DOK6: variants seen among roughly 807,000 people sequenced by gnomAD.
The protein encoded by DOK6 is downstream of tyrosine kinase 6.
DOK6 carries 22 observed loss-of-function variants against 44.0 expected under a neutral mutation model. That is an observed-to-expected ratio of 0.50 (90% confidence interval 0.36 to 0.71). DOK6 has a LOEUF of 0.71. Ranked by LOEUF, DOK6 falls within the 30% of genes least tolerant of loss-of-function variation. The pLI, the probability that DOK6 is intolerant of heterozygous loss-of-function variation, is 0.00. For missense variants in DOK6, 340 were observed against 416.4 expected (o/e 0.82, Z 1.60); for synonymous variants, 166 against 145.5 (o/e 1.14, Z -1.01).
At position 69,450,858 on chromosome 18, in the gene DOK6, G is replaced by T. The variant is rs1371302405; in HGVS notation, c.66+49548G>T. On this transcript the variant is annotated intron_variant, in intron 1 of 7. Coordinates refer to ENST00000382713, the MANE Select transcript of DOK6 (RefSeq NM_152721.6). ...TAAAATACTTTACAGACAAGCAAAT[G>T]CTGAGAGATTTTGTCACCACCAGGC... is the stretch of plus-strand genomic sequence containing the variant. 1.9e-4 allele frequency among the ~76,000 whole-genome samples: 28 copies of T among 148,444 alleles called. No homozygotes were observed. The South Asian group carries it at 6.3e-3, about 34-fold the overall frequency.
intron 1 of DOK6, among the ~76,000 whole-genome samples, chr18:69,562,192 C>A (rs191046724): frequency 3.9e-5 from 6 of 152,170 alleles, no homozygotes; most frequent in African/African-American, 1.2e-4. Flanking sequence ...AGATAATGAA[C>A]AATTTACAGG....
intron 1 of DOK6, among the ~76,000 whole-genome samples, chr18:69,553,465 G>T (rs1370733144): frequency 6.6e-6 from 1 of 152,174 alleles, no homozygotes; most frequent in Non-Finnish European, 1.5e-5. Flanking sequence ...AGAGAGATGG[G>T]CTGAAAACAG....
intron 2 of DOK6, among the ~76,000 whole-genome samples, chr18:69,594,057 G>A (rs897952467): frequency 5.9e-5 from 9 of 152,048 alleles, no homozygotes; most frequent in African/African-American, 2.2e-4. Flanking sequence ...AAATTACAAA[G>A]TTAAGCTTTA....
intron 4 of DOK6, among the ~76,000 whole-genome samples, chr18:69,693,989 G>A (rs375147082): frequency 6.4e-4 from 95 of 148,380 alleles, no homozygotes; most frequent in African/African-American, 2.3e-3. Flanking sequence ...AACCCGGGAG[G>A]CGGAGCTTGC....
At chr18:69,507,237 C>A (rs966442845) in intron 1 of DOK6, among the ~76,000 whole-genome samples, 2 of 151,960 alleles carry the variant, frequency 1.3e-5, no homozygotes, top group Non-Finnish European at 2.9e-5. Context: ...CCGTGTTAGC[C>A]AGAATGGTCT....
intron 1 of DOK6, among the ~76,000 whole-genome samples, chr18:69,428,752 C>A (rs1453555192): frequency 7.2e-5 from 11 of 152,122 alleles, no homozygotes; most frequent in Admixed American, 5.9e-4. Context: ...CTCTATTCTC[C>A]TTTTATAAAC....
intron 2 of DOK6, among the ~76,000 whole-genome samples, chr18:69,569,675 T>A (rs185674977): frequency 8.4e-4 from 128 of 152,280 alleles, no homozygotes; most frequent in Middle Eastern, 3.4e-3. Context: ...CTTTTAATTT[T>A]AAAAAAAGTA....
chr18:69,422,268 C>T (rs1282173242), intron 1 of DOK6, among the ~76,000 whole-genome samples: 2 of 152,184 alleles, frequency 1.3e-5, no homozygotes, highest in Admixed American at 6.5e-5. Flanking sequence ...CAAAGAATTC[C>T]TCAAGTCCTG....
At chr18:69,681,800 T>C (rs1368121507) in intron 4 of DOK6, among the ~76,000 whole-genome samples, 1 of 152,224 alleles carries the variant, frequency 6.6e-6, no homozygotes, top group African/African-American at 2.4e-5. Flanking sequence ...TTATTCATCA[T>C]GAATAGCAAA....
At position 69,539,999 on chromosome 18, in the gene DOK6, C is replaced by T. The variant is rs1042068616; in HGVS notation, c.67-24488C>T. Among the ~76,000 whole-genome samples the T allele has an allele frequency of 4.6e-5, 7 of 151,122 alleles. No individual in the cohort carries two copies. In the Admixed American group the frequency reaches 4.6e-4, roughly 10 times the overall value. On this transcript the variant is annotated intron_variant, in intron 1 of 7. Transcript: ENST00000382713. Reference sequence around the variant, plus strand: ...GAAGGAGGCAGCATCTTTCACAAGGCGGCAGGAGGGAGAAAGAATGCATGT... The same window carrying T: ...GAAGGAGGCAGCATCTTTCACAAGGTGGCAGGAGGGAGAAAGAATGCATGT...
chr18:69,627,464 T>C (rs1984582401), intron 3 of DOK6, among the ~76,000 whole-genome samples: 3 of 152,146 alleles, frequency 2.0e-5, no homozygotes, highest in Admixed American at 2.0e-4. Flanking sequence ...ATTTATTTAT[T>C]TTGTGACGGA....
intron 1 of DOK6, among the ~76,000 whole-genome samples, chr18:69,537,834 A>G (rs1982163526): frequency 6.6e-6 from 1 of 152,198 alleles, no homozygotes. Flanking sequence ...TTTTTATAAC[A>G]CTATGTCTTA....
chr18:69,557,195 C>T (rs1982708077), intron 1 of DOK6, among the ~76,000 whole-genome samples: 1 of 152,116 alleles, frequency 6.6e-6, no homozygotes, highest in Non-Finnish European at 1.5e-5. Flanking sequence ...TTCTAACACC[C>T]CCTTTAGAGC....
At chr18:69,690,946 C>A (rs910711169) in intron 4 of DOK6, among the ~76,000 whole-genome samples, 1 of 151,884 alleles carries the variant, frequency 6.6e-6, no homozygotes, top group Non-Finnish European at 1.5e-5. Flanking sequence ...TTTGGGAGGC[C>A]GAGACAGGAA....
chr18:69,580,006 T>C (rs945580373), intron 2 of DOK6, among the ~76,000 whole-genome samples: 7 of 152,202 alleles, frequency 4.6e-5, no homozygotes, highest in Admixed American at 1.3e-4. Context: ...TCCCAAATAA[T>C]TGAATTTTTT....
intron 2 of DOK6, among the ~76,000 whole-genome samples, chr18:69,595,147 TTAG>T (rs1983711871): frequency 6.6e-6 from 1 of 152,174 alleles, no homozygotes; most frequent in Non-Finnish European, 1.5e-5. Flanking sequence ...ACTGGAAAAC[TTAG>T]TTGTTAAAAT....
In DOK6 at chr18:69,518,931, C is replaced by G. The variant is rs1599170343; in HGVS notation, c.67-45556C>G. Among the ~76,000 whole-genome samples, 6 of 152,058 alleles carry G rather than the reference C, an allele frequency of 3.9e-5. 1 individual carries two copies. The highest frequency in any genetic ancestry group is 3.9e-4 in the Admixed American group (6 of 15,260). ...TGGTGGTTTTAAAAATTGTCAGGTA[C>G]ATAAAGTTATTTTCTACTGGTAGCA... On this transcript the variant is annotated intron_variant, in intron 1 of 7. Transcript: ENST00000382713.
chr18:69,457,156 G>C lies in DOK6; in HGVS notation c.66+55846G>C, dbSNP rs143112166. ...GTGTGAATGTTCTTTATTTTAATTA[G>C]GTCCTACTTGTCAATTTTTGGTTTT... On this transcript the variant is annotated intron_variant, in intron 1 of 7. Coordinates refer to ENST00000382713, the MANE Select transcript of DOK6 (RefSeq NM_152721.6). Among the ~76,000 whole-genome samples, 397 of 152,128 alleles carry C rather than the reference G, an allele frequency of 2.6e-3. 4 individuals carry two copies. Among genetic ancestry groups the C allele is most frequent in the African/African-American group, 9.0e-3 (374 of 41,502 alleles).
intron 7 of DOK6, among the ~76,000 whole-genome samples, chr18:69,760,610 G>A (rs1459455752): frequency 6.6e-6 from 1 of 151,912 alleles, no homozygotes; most frequent in Non-Finnish European, 1.5e-5. Context: ...TTATACTTCG[G>A]GTTGGCTTAC....
Sources: allele counts gnomAD v4.1 joint callset (sites outside exome capture counted in the v4.1 genomes callset), GRCh38; gene constraint gnomAD v4.1.1; transcripts MANE v1.5; gene names NCBI Gene and HGNC (gene_info 2026-07-23, HGNC 2026-07-21).